HS6ST3: variants seen among roughly 807,000 people sequenced by gnomAD.
HS6ST3 encodes the protein heparan sulfate 6-O-sulfotransferase 3.
Under a neutral mutation model 36.7 loss-of-function variants are expected in HS6ST3, and 12 were observed. The ratio of observed to expected loss-of-function variants is 0.33; its 90% confidence interval spans 0.21 to 0.53. The LOEUF (loss-of-function observed/expected upper bound fraction) is 0.53. HS6ST3 is among the 20% of genes least tolerant of loss of function. HS6ST3 has a pLI of 0.95. For missense variants in HS6ST3, 584 were observed against 640.9 expected (o/e 0.91, Z 0.96); for synonymous variants, 240 against 257.5 (o/e 0.93, Z 0.65).
intron 1 of HS6ST3, among the ~76,000 whole-genome samples, chr13:96,588,107 C>T (rs1215344864): frequency 6.6e-6 from 1 of 151,118 alleles, no homozygotes; most frequent in Non-Finnish European, 1.5e-5. Flanking sequence ...TTATATGCTA[C>T]TACCTTACTG....
rs1166348555 is a variant in HS6ST3, at chr13:96,833,114, C to A, written c.1332C>A (p.His444Gln). 2 of 1,603,888 alleles carry A rather than the reference C, an allele frequency of 1.2e-6. No individual in the cohort carries two copies. The highest frequency in any genetic ancestry group is 2.2e-5 in the South Asian group (2 of 91,044). ...RREERRLQREHRDHQWPKEDG... is the reference protein window; with the variant it reads ...RREERRLQREQRDHQWPKEDG... ...AGGAGCGGAGGCTGCAGCGAGAGCA[C>A]AGGGACCACCAGTGGCCCAAAGAAG... The change falls in exon 2 of 2, where the codon CAC becomes CAA. Residue 444 changes from histidine (H) to glutamine (Q), a missense_variant. Coordinates refer to ENST00000376705, the MANE Select transcript of HS6ST3 (RefSeq NM_153456.4).
chr13:96,269,028 TG>T (rs1324313758), intron 1 of HS6ST3, among the ~76,000 whole-genome samples: 5 of 152,002 alleles, frequency 3.3e-5, no homozygotes, highest in African/African-American at 4.8e-5. Context: ...TGAATGATTG[TG>T]TAACTGTTAT....
chr13:96,237,744 A>G (rs1004944047), intron 1 of HS6ST3, among the ~76,000 whole-genome samples: 1 of 152,190 alleles, frequency 6.6e-6, no homozygotes, highest in South Asian at 2.1e-4. Context: ...AATTCGGTGG[A>G]CACATCTTTG....
intron 1 of HS6ST3, among the ~76,000 whole-genome samples, chr13:96,269,818 G>A (rs1472336191): frequency 6.6e-6 from 1 of 151,976 alleles, no homozygotes; most frequent in Non-Finnish European, 1.5e-5. Flanking sequence ...TCTGATAAAT[G>A]TAGGTAATTG....
At chr13:96,358,629 G>A (rs1032223645) in intron 1 of HS6ST3, among the ~76,000 whole-genome samples, 6 of 152,016 alleles carry the variant, frequency 3.9e-5, no homozygotes, top group Non-Finnish European at 8.8e-5. Flanking sequence ...CGGATAGTGG[G>A]TTAAAAATAA....
chr13:96,746,903 A>G (rs1754239365), intron 1 of HS6ST3, among the ~76,000 whole-genome samples: 1 of 152,110 alleles, frequency 6.6e-6, no homozygotes, highest in Non-Finnish European at 1.5e-5. Flanking sequence ...GAAGGTTCTT[A>G]TGCCATTGAT....
chr13:96,400,792 T>A (rs2055447183), intron 1 of HS6ST3, among the ~76,000 whole-genome samples: 1 of 152,184 alleles, frequency 6.6e-6, no homozygotes, highest in Non-Finnish European at 1.5e-5. Context: ...AATTTGTTTC[T>A]TTCCTCACGT....
intron 1 of HS6ST3, among the ~76,000 whole-genome samples, chr13:96,308,007 A>AAGG (rs1330916824): frequency 7.2e-5 from 11 of 152,152 alleles, no homozygotes; most frequent in African/African-American, 2.7e-4. Context: ...ATGAAGAGTC[A>AAGG]AGGGTATCAA....
chr13:96,681,062 A>C (rs2138437802), intron 1 of HS6ST3, among the ~76,000 whole-genome samples: 1 of 152,272 alleles, frequency 6.6e-6, no homozygotes, highest in South Asian at 2.1e-4. Flanking sequence ...CCATATAGAT[A>C]TTTGTTTTCT....
At position 96,332,017 on chromosome 13, in the gene HS6ST3, G is replaced by A. The variant is rs191201404; in HGVS notation, c.707+240448G>A. On this transcript the variant is annotated intron_variant, in intron 1 of 1. Transcript: ENST00000376705. Reference sequence around the variant, plus strand: ...TGACCCCTTGCGCTTCCCAAGTGAGGCAATGCCTCGCCTTGCTTCGGCTCG... The same window carrying A: ...TGACCCCTTGCGCTTCCCAAGTGAGACAATGCCTCGCCTTGCTTCGGCTCG... Among the ~76,000 whole-genome samples the A allele has an allele frequency of 1.1e-3, 174 of 152,336 alleles. 1 individual carries two copies. The Middle Eastern group carries it at 0.014, about 12-fold the overall frequency.
intron 1 of HS6ST3, among the ~76,000 whole-genome samples, chr13:96,496,272 A>G (rs897603788): frequency 2.6e-5 from 4 of 152,152 alleles, no homozygotes; most frequent in Middle Eastern, 3.4e-3. Flanking sequence ...ATGTGGGGAG[A>G]GAAGGTCTGA....
intron 1 of HS6ST3, among the ~76,000 whole-genome samples, chr13:96,487,165 G>T (rs2055919470): frequency 1.3e-5 from 2 of 152,024 alleles, no homozygotes; most frequent in African/African-American, 4.8e-5. Context: ...ATAAAAAGGA[G>T]ATCTGACTCC....
chr13:96,777,817 A>G (rs1004092914), intron 1 of HS6ST3, among the ~76,000 whole-genome samples: 1 of 152,210 alleles, frequency 6.6e-6, no homozygotes, highest in Admixed American at 6.5e-5. Context: ...TTATTGGAAA[A>G]GACTACTTTA....
At chr13:96,615,836 G>A (rs570528778) in intron 1 of HS6ST3, among the ~76,000 whole-genome samples, 2 of 152,134 alleles carry the variant, frequency 1.3e-5, no homozygotes, top group Non-Finnish European at 2.9e-5. Context: ...ATCCACACTG[G>A]TACCTTTTGT....
chr13:96,684,136 G>C (rs1408135403), intron 1 of HS6ST3, among the ~76,000 whole-genome samples: 1 of 152,006 alleles, frequency 6.6e-6, no homozygotes. Context: ...AAGCTATTTT[G>C]CTCAGAGTGA....
intron 1 of HS6ST3, among the ~76,000 whole-genome samples, chr13:96,733,585 A>T (rs1876212052): frequency 6.6e-6 from 1 of 152,192 alleles, no homozygotes; most frequent in African/African-American, 2.4e-5. Context: ...CATGATATAT[A>T]TTCTATAACA....
intron 1 of HS6ST3, among the ~76,000 whole-genome samples, chr13:96,341,995 A>G (rs566344623): frequency 1.6e-4 from 25 of 152,190 alleles, no homozygotes; most frequent in Non-Finnish European, 3.2e-4. Flanking sequence ...GTGAGGTCCC[A>G]GATGAATGTC....
At chr13:96,475,656 T>G (rs995901009) in intron 1 of HS6ST3, among the ~76,000 whole-genome samples, 2 of 150,800 alleles carry the variant, frequency 1.3e-5, no homozygotes, top group Non-Finnish European at 2.9e-5. Flanking sequence ...TGTCCTAAAT[T>G]GTTCTGAATT....
chr13:96,155,122 A>G (rs2054104311), intron 1 of HS6ST3, among the ~76,000 whole-genome samples: 4 of 152,180 alleles, frequency 2.6e-5, no homozygotes. Context: ...AAGACCATGT[A>G]CCCACTTGAA....
Sources: allele counts gnomAD v4.1 joint callset (sites outside exome capture counted in the v4.1 genomes callset), GRCh38; gene constraint gnomAD v4.1.1; transcripts MANE v1.5; gene names NCBI Gene and HGNC (gene_info 2026-07-23, HGNC 2026-07-21).